TYW1B: variants seen among roughly 807,000 people sequenced by gnomAD.
TYW1B encodes S-adenosyl-L-methionine-dependent tRNA 4-demethylwyosine synthase TYW1B.
A neutral mutation model predicts 86.9 loss-of-function variants in TYW1B; 73 were observed. That is an observed-to-expected ratio of 0.84 (90% confidence interval 0.70 to 1.02). The LOEUF is 1.02. Among genes scored for constraint, TYW1B ranks in the 50% least tolerant of loss-of-function variants. The pLI, the probability that TYW1B is intolerant of heterozygous loss-of-function variation, is 0.00. For synonymous variants in TYW1B, 248 were observed against 292.8 expected, an observed-to-expected ratio of 0.85 and a Z score of 1.56; for missense variants, 637 against 827.4, an observed-to-expected ratio of 0.77 and a Z score of 2.82.
intron 6 of TYW1B, among the ~76,000 whole-genome samples, chr7:72,782,317 T>A (rs1554471786): frequency 6.6e-6 from 1 of 151,954 alleles, no homozygotes; most frequent in East Asian, 1.9e-4. Context: ...AAAAAAATCA[T>A]ACAATACCAC....
At chr7:72,629,181 T>C (rs1554439470) in intron 11 of TYW1B, among the ~76,000 whole-genome samples, 184 bp from the exon 12 acceptor site, 2 of 152,236 alleles carry the variant, frequency 1.3e-5, no homozygotes, top group Non-Finnish European at 2.9e-5. Context: ...GATTCTAACA[T>C]GCCTTATGGA....
At position 72,773,461 on chromosome 7, in the gene TYW1B, T is replaced by A. The variant is rs1272971405; in HGVS notation, c.964+3955A>T. On this transcript the variant is annotated intron_variant, in intron 7 of 13. Coordinates refer to ENST00000620995, the MANE Select transcript of TYW1B (RefSeq NM_001145440.3). ...CTCCCATTACCTCAGCTTACTGTCT[T>A]GAAACCTTCCAGGCCATGTAGCAAA... Among the ~76,000 whole-genome samples, 6 of 152,200 alleles carry A rather than the reference T, an allele frequency of 3.9e-5. No homozygotes were observed. The East Asian group carries it at 7.7e-4, about 20-fold the overall frequency.
chr7:72,690,491 T>C lies in TYW1B; in HGVS notation c.1506+4196A>G, dbSNP rs190081799. 2.4e-3 allele frequency among the ~76,000 whole-genome samples: 364 copies of C among 152,330 alleles called. 13 individuals are homozygous for C. The highest frequency in any genetic ancestry group is 0.022 in the Admixed American group (332 of 15,300). On this transcript the variant is annotated intron_variant, in intron 11 of 13. Coordinates refer to ENST00000620995, the MANE Select transcript of TYW1B (RefSeq NM_001145440.3). ...GATCTGGAAATGTAAACACTGTACT[T>C]GCCAAGAGTTAAAAACAAAATATGC...
At chr7:72,759,730 T>A (rs1208314020) in intron 7 of TYW1B, among the ~76,000 whole-genome samples, 2 of 152,208 alleles carry the variant, frequency 1.3e-5, no homozygotes, top group Non-Finnish European at 2.9e-5. Flanking sequence ...CAAGATATTC[T>A]TAAAAAGAGA....
chr7:72,747,410 TG>T (rs1371314405), intron 7 of TYW1B, among the ~76,000 whole-genome samples: 1 of 152,186 alleles, frequency 6.6e-6, no homozygotes. Flanking sequence ...TTCCCAGTCT[TG>T]GGTATGTCTT....
intron 11 of TYW1B, among the ~76,000 whole-genome samples, chr7:72,641,905 C>T (rs1563042430): frequency 1.3e-5 from 2 of 152,090 alleles, no homozygotes; most frequent in East Asian, 1.9e-4. Context: ...TATGGAAATG[C>T]ATAGGAACCC....
intron 8 of TYW1B, among the ~76,000 whole-genome samples, chr7:72,730,524 G>C (rs1329671156): frequency 7.2e-6 from 1 of 139,528 alleles, no homozygotes. Flanking sequence ...AAATGACCCA[G>C]TCAGACCAAA....
chr7:72,719,629 TC>T (rs1554237433), intron 9 of TYW1B, among the ~76,000 whole-genome samples: 1 of 30,646 alleles, frequency 3.3e-5, no homozygotes, highest in East Asian at 6.1e-4. Flanking sequence ...AGATTCCGTC[TC>T]CAAAAAAAAA....
rs192616461 is a variant in TYW1B, at chr7:72,646,101, C to G, written c.1507-17104G>C. Among the ~76,000 whole-genome samples, 1,048 of 149,530 alleles carry G rather than the reference C, an allele frequency of 7.0e-3. 17 individuals carry two copies. The highest frequency in any genetic ancestry group is 0.025 in the African/African-American group (1,023 of 41,046). The stretch of plus-strand genomic sequence containing the variant: ...ACGCTCTGTCACACAGGCTGGAGAG[C>G]AGTGGCACAATCATAGCTCACTGTA... On this transcript the variant is annotated intron_variant, in intron 11 of 13. Coordinates refer to ENST00000620995, the MANE Select transcript of TYW1B (RefSeq NM_001145440.3).
chr7:72,581,410 T>C (rs1247499628), intron 13 of TYW1B, among the ~76,000 whole-genome samples: 2 of 152,218 alleles, frequency 1.3e-5, no homozygotes, highest in Admixed American at 6.5e-5. Flanking sequence ...CACTCCAAGA[T>C]AGAGTCAGCC....
intron 10 of TYW1B, among the ~76,000 whole-genome samples, chr7:72,696,036 C>T (rs2129570313): frequency 6.6e-6 from 1 of 151,818 alleles, no homozygotes; most frequent in South Asian, 2.1e-4. Context: ...GCAACCTCTG[C>T]CTCCAGGCTC....
chr7:72,753,289 A>G (rs1787531729), intron 7 of TYW1B, among the ~76,000 whole-genome samples: 1 of 152,094 alleles, frequency 6.6e-6, no homozygotes, highest in Admixed American at 6.6e-5. Flanking sequence ...CATTCGCTTA[A>G]TGGTTGACAG....
rs1585833634 is a variant in TYW1B, at chr7:72,594,820, T to A, written c.1786-19101A>T. Among the ~76,000 whole-genome samples, 3 of 152,222 alleles carry A rather than the reference T, an allele frequency of 2.0e-5. No individual in the cohort carries two copies. In the East Asian group the frequency reaches 5.8e-4, roughly 29 times the overall value. On this transcript the variant is annotated intron_variant, in intron 13 of 13. Transcript: ENST00000620995. ...ATATGCCCTGGACAAGTGGGATTTATCCCTGGAATGCAAGGATGGATCCAT... is the reference window on the plus strand; with the variant it reads ...ATATGCCCTGGACAAGTGGGATTTAACCCTGGAATGCAAGGATGGATCCAT...
intron 9 of TYW1B, among the ~76,000 whole-genome samples, chr7:72,727,034 C>T (rs1787011447): frequency 6.6e-6 from 1 of 152,126 alleles, no homozygotes; most frequent in African/African-American, 2.4e-5. Flanking sequence ...CCCCACGTTT[C>T]AATTACCTCC....
Position 72,603,735 on chromosome 7 carries a change from C to T in TYW1B, c.1785+12937G>A, listed in dbSNP as rs1363978357. Among the ~76,000 whole-genome samples, 4 of 150,292 alleles carry T rather than the reference C, an allele frequency of 2.7e-5. No individual in the cohort carries two copies. In the South Asian group the frequency reaches 6.4e-4, roughly 24 times the overall value. ...TGTCCTTGACATGATGTGATGAAAACGGCACTTCACCTCAGTGATCTTCCT... is the reference window on the plus strand; with the variant it reads ...TGTCCTTGACATGATGTGATGAAAATGGCACTTCACCTCAGTGATCTTCCT... On this transcript the variant is annotated intron_variant, in intron 13 of 13. Transcript: ENST00000620995.
intron 6 of TYW1B, among the ~76,000 whole-genome samples, chr7:72,788,999 T>A (rs1554472968): frequency 2.6e-5 from 4 of 152,042 alleles, no homozygotes; most frequent in Non-Finnish European, 5.9e-5. Flanking sequence ...CCCAGCTAAC[T>A]TTTTATGTTT....
chr7:72,575,875 C>T (rs1420614103), intron 13 of TYW1B, among the ~76,000 whole-genome samples, 156 bp from the exon 14 acceptor site: 2 of 152,188 alleles, frequency 1.3e-5, no homozygotes, highest in Non-Finnish European at 2.9e-5. Flanking sequence ...TTCCATGTTC[C>T]AGACATGACT....
At chr7:72,816,819 G>A (rs1788732461) in intron 2 of TYW1B, among the ~76,000 whole-genome samples, 1 of 152,208 alleles carries the variant, frequency 6.6e-6, no homozygotes, top group Non-Finnish European at 1.5e-5. Context: ...ACGTGCTGGG[G>A]AGAAGACACG....
chr7:72,802,635 CTTT>C lies in TYW1B; in HGVS notation c.724-116_724-114del, dbSNP rs1554476025. ...TGTCTCTAAATTCTTTTTTTTTTTT[CTTT>C]GAGACAGGGTCTCGCTCTGTCGCCC... On this transcript the variant is annotated intron_variant, in intron 5 of 13. Coordinates refer to ENST00000620995, the MANE Select transcript of TYW1B (RefSeq NM_001145440.3). The C allele has an allele frequency of 2.3e-6, 3 of 1,327,642 alleles. No homozygotes were observed. In the African/African-American group the frequency reaches 4.7e-5, roughly 21 times the overall value. The allele number at this position is 1,327,642 out of a possible 1,614,324, so 82.2% of individuals were successfully genotyped here. A position where few individuals can be genotyped will look rare whatever the true frequency, so the allele number is the denominator to read the frequency against.
Sources: allele counts gnomAD v4.1 joint callset (sites outside exome capture counted in the v4.1 genomes callset), GRCh38; gene constraint gnomAD v4.1.1; transcripts MANE v1.5; gene names NCBI Gene and HGNC (gene_info 2026-07-23, HGNC 2026-07-21).